Variants in CTNNB1 observed in about 807,000 individuals in gnomAD.
CTNNB1 encodes the protein catenin beta 1, also known as catenin beta-1.
CTNNB1 carries 6 observed loss-of-function variants against 82.5 expected under a neutral mutation model. The ratio of observed to expected loss-of-function variants is 0.07; its 90% confidence interval spans 0.04 to 0.14. The LOEUF (loss-of-function observed/expected upper bound fraction) is 0.14, where lower values mean the gene tolerates loss of function less well. Ranked by LOEUF, CTNNB1 falls within the 10% of genes least tolerant of loss-of-function variation. CTNNB1 has a pLI of 1.00. For missense variants in CTNNB1, 529 were observed against 980.4 expected, an observed-to-expected ratio of 0.54 and a Z score of 6.15; for synonymous variants, 312 against 329.7, an observed-to-expected ratio of 0.95 and a Z score of 0.58.
intron 2 of CTNNB1, 64 bp downstream of exon 2, chr3:41,224,145 T>C (rs1417659853): frequency 1.9e-6 from 3 of 1,576,654 alleles, no homozygotes; most frequent in Non-Finnish European, 1.7e-6. Context: ...TAAGCCAGTC[T>C]GGCTGAGATC....
In CTNNB1 at chr3:41,236,857, GCT is replaced by G. The variant is rs762471021; in HGVS notation, c.2076+151_2076+152del. 6.1e-5 allele frequency: 59 copies of G among 971,648 alleles called. 1 individual carries two copies. Among genetic ancestry groups the G allele is most frequent in the Non-Finnish European group, 7.6e-5 (47 of 619,170 alleles). 60.2% of individuals were successfully genotyped at this position (971,648 alleles called of 1,614,324 possible). On this transcript the variant is annotated intron_variant, in intron 13 of 14. Transcript: ENST00000349496. The stretch of plus-strand genomic sequence containing the variant: ...TTCTTCTTTATGCTGTCTAGCAACT[GCT>G]CTGAGGAAGAACTATAATACAAGCT...
intron 13 of CTNNB1, 63 bp from the exon 14 acceptor site, chr3:41,237,953 G>C (rs1469095562): frequency 7.2e-7 from 1 of 1,383,688 alleles, no homozygotes; most frequent in Non-Finnish European, 1.0e-6. Context: ...AAAAAAATTA[G>C]TGTACTTTTG....
At chr3:41,204,718 A>G (rs1231070555) in intron 1 of CTNNB1, among the ~76,000 whole-genome samples, 1 of 152,250 alleles carries the variant, frequency 6.6e-6, no homozygotes, top group Non-Finnish European at 1.5e-5. Context: ...TCATATTTTA[A>G]GATGCTGTAT....
At chr3:41,218,714 T>C (rs1370977078) in intron 1 of CTNNB1, among the ~76,000 whole-genome samples, 1 of 152,114 alleles carries the variant, frequency 6.6e-6, no homozygotes, top group African/African-American at 2.4e-5. Flanking sequence ...AATTTTTAAA[T>C]AAGTTTTAAA....
rs1051936998 is a variant in CTNNB1, at chr3:41,239,406, A to G, written c.*64A>G. The G allele has an allele frequency of 4.2e-6, 6 of 1,434,722 alleles. No individual in the cohort carries two copies. In the African/African-American group the frequency reaches 8.4e-5, roughly 20 times the overall value. 88.9% of individuals were successfully genotyped at this position (1,434,722 alleles called of 1,614,324 possible). ...GGTAAAATACTTTTACTCTGCCTAC[A>G]GAACTTCAGAAAGACTTGGTTGGTA... On this transcript the variant is annotated 3_prime_UTR_variant, in exon 15 of 15. Transcript: ENST00000349496.
At chr3:41,220,231 GAGA>G (rs1429271235) in intron 1 of CTNNB1, among the ~76,000 whole-genome samples, 3 of 151,596 alleles carry the variant, frequency 2.0e-5, no homozygotes, top group Admixed American at 6.6e-5. Context: ...TTTCCTACCT[GAGA>G]AGATTTCATA....
intron 1 of CTNNB1, among the ~76,000 whole-genome samples, chr3:41,220,129 A>G (rs890158149): frequency 8.6e-5 from 13 of 152,014 alleles, no homozygotes; most frequent in Non-Finnish European, 1.5e-4. Context: ...GAAGGAAGAC[A>G]GTTATGAAGA....
rs1559479687 is a variant in CTNNB1, at chr3:41,239,387, A to T, written c.*45A>T. 1 of 1,539,922 alleles carries T rather than the reference A, an allele frequency of 6.5e-7. No individual in the cohort carries two copies. On this transcript the variant is annotated 3_prime_UTR_variant, in exon 15 of 15. Coordinates refer to ENST00000349496, the MANE Select transcript of CTNNB1 (RefSeq NM_001904.4). ...GTTTTAAAAAGCCAGTTTGGGTAAA[A>T]TACTTTTACTCTGCCTACAGAACTT...
chr3:41,202,687 G>A (rs926493974), intron 1 of CTNNB1, among the ~76,000 whole-genome samples: 1 of 152,194 alleles, frequency 6.6e-6, no homozygotes, highest in Non-Finnish European at 1.5e-5. Flanking sequence ...TTGCAGTTGT[G>A]ATTGTGATAG....
At chr3:41,199,934 C>T (rs1237062779) in intron 1 of CTNNB1, 1 of 109,416 alleles carries the variant, frequency 9.1e-6, no homozygotes, top group African/African-American at 3.7e-5. Flanking sequence ...CGCGGGGGCG[C>T]GTACAGGAGC....
intron 1 of CTNNB1, among the ~76,000 whole-genome samples, chr3:41,207,453 T>A (rs1284428823): frequency 6.6e-6 from 1 of 152,218 alleles, no homozygotes. Flanking sequence ...CCTTTTCTCC[T>A]GAACTTCCCC....
Position 41,225,566 on chromosome 3 carries a change from T to C in CTNNB1, c.728T>C (p.Met243Thr), listed in dbSNP as rs936616269. ...KSGGIPALVK[M>T]LGSPVDSVLF... Reference sequence around the variant, plus strand: ...GGAGGCATTCCTGCCCTGGTGAAAATGCTTGGGTAAGAAAACATGTCAGAA... The same window carrying C: ...GGAGGCATTCCTGCCCTGGTGAAAACGCTTGGGTAAGAAAACATGTCAGAA... Residue 243 changes from methionine to threonine, a missense_variant, in exon 5 of 15, where the codon ATG (methionine) becomes ACG (threonine). By Grantham distance (81) the Met-to-Thr change is moderately conservative. This residue lies in a region of CTNNB1 where 411 missense variants were observed against 776.4 expected (regional missense o/e 0.53). Transcript: ENST00000349496. This position sits in a 1 kb window ranked among gnomAD's most constrained non-coding sequence, Gnocchi z 5.3. 6.2e-7 allele frequency: 1 copy of C among 1,614,086 alleles called. No individual in the cohort carries two copies. Among genetic ancestry groups the C allele is most frequent in the Admixed American group, 1.7e-5 (1 of 59,998 alleles).
At chr3:41,234,812 T>C (rs2078396072) in intron 10 of CTNNB1, 2 of 167,582 alleles carry the variant, frequency 1.2e-5, no homozygotes, top group South Asian at 2.9e-4. Context: ...ATACAAAGTT[T>C]GTGTCTTAAA....
chr3:41,214,569 T>C (rs1198603121), intron 1 of CTNNB1, among the ~76,000 whole-genome samples: 1 of 152,174 alleles, frequency 6.6e-6, no homozygotes, highest in South Asian at 2.1e-4. Flanking sequence ...GGGAACACTT[T>C]GTGATTTCTC....
intron 1 of CTNNB1, among the ~76,000 whole-genome samples, chr3:41,215,563 A>T (rs1054394716): frequency 1.2e-4 from 18 of 152,088 alleles, no homozygotes; most frequent in African/African-American, 4.1e-4. Flanking sequence ...ATATTAAGCG[A>T]GAAGCTGTTT....
chr3:41,204,093 GTT>G (rs796356811), intron 1 of CTNNB1, among the ~76,000 whole-genome samples: 193 of 143,696 alleles, frequency 1.3e-3, no homozygotes, highest in Admixed American at 3.7e-3. Flanking sequence ...TATAGTTAGG[GTT>G]TTTTTTTTTT....
In CTNNB1 at chr3:41,239,986, C is replaced by CTTTTTTTTTTTT. The variant is rs1207330730; in HGVS notation, c.*658_*669dup. On this transcript the variant is annotated 3_prime_UTR_variant, in exon 15 of 15. Coordinates refer to ENST00000349496, the MANE Select transcript of CTNNB1 (RefSeq NM_001904.4). The stretch of plus-strand genomic sequence containing the variant: ...TGACTTTGCTTGCTTTGAAGTAGCT[C>CTTTTTTTTTTTT]TTTTTTTTTTTTTTTTTTTTTTTTT... 2 of 30,586 alleles carry CTTTTTTTTTTTT rather than the reference C, an allele frequency of 6.5e-5. No homozygotes were observed. Among genetic ancestry groups the CTTTTTTTTTTTT allele is most frequent in the African/African-American group, 1.1e-4 (1 of 8,808 alleles). The allele number at this position is 30,586 out of a possible 1,614,324, so 1.9% of individuals were successfully genotyped here.
At position 41,231,066 on chromosome 3, in the gene CTNNB1, G is replaced by T. The variant is rs1324094384; in HGVS notation, c.1082-2275G>T. On this transcript the variant is annotated intron_variant, in intron 7 of 14. Coordinates refer to ENST00000349496, the MANE Select transcript of CTNNB1 (RefSeq NM_001904.4). Reference sequence around the variant, plus strand: ...AGATTGGTCAGGCACGGTGGCTCACGCCTGTAATTCCAGCACTTTGGGAGG... The same window carrying T: ...AGATTGGTCAGGCACGGTGGCTCACTCCTGTAATTCCAGCACTTTGGGAGG... Among the ~76,000 whole-genome samples, 4 of 152,302 alleles carry T rather than the reference G, an allele frequency of 2.6e-5. No homozygotes were observed. The South Asian group carries it at 8.3e-4, about 32-fold the overall frequency.
chr3:41,220,086 T>C (rs892065477), intron 1 of CTNNB1, among the ~76,000 whole-genome samples: 1 of 152,154 alleles, frequency 6.6e-6, no homozygotes. Context: ...AATAAAAATA[T>C]TAATTTATTT....
Sources: gnomAD v4.1 joint callset for allele counts (sites outside exome capture counted in the v4.1 genomes callset) on GRCh38, gnomAD v4.1.1 for gene constraint, gnomAD v4.1.1 regional missense constraint, Gnocchi (gnomAD v3.1) non-coding constraint, MANE v1.5 for transcripts, NCBI Gene and HGNC (gene_info 2026-07-23, HGNC 2026-07-21) for gene names.